RPL35: variants seen among roughly 807,000 people sequenced by gnomAD.
The protein encoded by RPL35 is ribosomal protein L35.
RPL35 carries 2 observed loss-of-function variants against 15.6 expected under a neutral mutation model. The ratio of observed to expected loss-of-function variants is 0.13; its 90% CI spans 0.05 to 0.40. RPL35 has a LOEUF of 0.40. Ranked by LOEUF, RPL35 falls within the 10% of genes least tolerant of loss-of-function variation. The pLI is 0.99. For missense variants in RPL35, 111 were observed against 164.7 expected (o/e 0.67, Z 1.79); for synonymous variants, 93 against 67.9 (o/e 1.37, Z -1.82).
chr9:124,861,833 C>A, intron 1 of RPL35, 77 bp downstream of exon 1: 1 of 1,559,630 alleles, frequency 6.4e-7, no homozygotes, highest in Non-Finnish European at 8.7e-7. Flanking sequence ...ATAGAATCCG[C>A]GGGCTCAGCC....
Position 124,860,215 on chromosome 9 carries a change from T to C in RPL35, c.190A>G (p.Thr64Ala). 1 of 1,614,062 alleles carries C rather than the reference T, an allele frequency of 6.2e-7. No homozygotes were observed. The highest frequency in any genetic ancestry group is 1.1e-5 in the South Asian group (1 of 91,074). Residue 64 changes from threonine (T) to alanine (A), a missense_variant, in exon 3 of 4, where the codon ACT (threonine) becomes GCT (alanine). Thr to Ala is a moderately conservative substitution (Grantham distance 58, BLOSUM62 0). Transcript: ENST00000348462. Reference protein sequence around the residue: ...IARVLTVINQTQKENLRKFYK... With the variant: ...IARVLTVINQAQKENLRKFYK... ...AATTTCCTGAGGTTTTCTTTCTGAG[T>C]CTGGTTAATAACTGTGAGAACACGG...
intron 1 of RPL35, 52 bp from the exon 2 acceptor site, chr9:124,861,607 T>C: frequency 6.3e-7 from 1 of 1,593,238 alleles, no homozygotes; most frequent in Non-Finnish European, 8.6e-7. Context: ...CATATCCCCT[T>C]CACCTGCGTG....
At chr9:124,860,149 G>T in intron 3 of RPL35, 34 bp downstream of exon 3, 1 of 1,543,026 alleles carries the variant, frequency 6.5e-7, no homozygotes, top group Non-Finnish European at 9.0e-7. Flanking sequence ...TTGGCTTCCT[G>T]CAGCCAACCC....
chr9:124,861,355 C>T, intron 2 of RPL35, 64 bp downstream of exon 2: 1 of 1,558,946 alleles, frequency 6.4e-7, no homozygotes, highest in East Asian at 2.3e-5. Flanking sequence ...TTGAAATCCT[C>T]CGACGATCCC....
chr9:124,859,685 T>C (rs1014979787), intron 3 of RPL35, among the ~76,000 whole-genome samples: 1 of 152,054 alleles, frequency 6.6e-6, no homozygotes, highest in African/African-American at 2.4e-5. Context: ...AATTCAAGAC[T>C]AAGAGGGGGC....
intron 2 of RPL35, chr9:124,861,037 A>T (rs986430330): frequency 5.5e-6 from 1 of 181,652 alleles, no homozygotes; most frequent in African/African-American, 2.4e-5. Context: ...CAGGTTGATG[A>T]ACTCCAAACC....
intron 2 of RPL35, 81 bp from the exon 3 acceptor site, chr9:124,860,345 T>C (rs566760165): frequency 7.9e-6 from 9 of 1,141,480 alleles, no homozygotes; most frequent in Admixed American, 1.7e-5. Flanking sequence ...AGGGCAGCAA[T>C]AGCTGCAGCC....
chr9:124,860,288 A>T, intron 2 of RPL35, 24 bp from the exon 3 acceptor site: 1 of 1,592,346 alleles, frequency 6.3e-7, no homozygotes, highest in Non-Finnish European at 8.6e-7. Flanking sequence ...ATGTCAGTGA[A>T]GATAGGGAAG....
intron 3 of RPL35, chr9:124,858,382 G>A: frequency 3.1e-6 from 2 of 653,210 alleles, no homozygotes; most frequent in Non-Finnish European, 5.7e-6. Context: ...CCGATTCCCA[G>A]TCACGAGGAC....
chr9:124,858,326 T>C (rs921519006), intron 3 of RPL35: 13 of 622,438 alleles, frequency 2.1e-5, no homozygotes, highest in African/African-American at 2.0e-4. Flanking sequence ...GAGCCGGGGC[T>C]TGCATCTCAG....
At chr9:124,860,322 A>G in intron 2 of RPL35, 58 bp from the exon 3 acceptor site, 1 of 1,383,906 alleles carries the variant, frequency 7.2e-7, no homozygotes, top group Non-Finnish European at 1.0e-6. Context: ...CCCAAGACTC[A>G]GGACTCACAC....
intron 3 of RPL35, chr9:124,858,446 A>G (rs756001117): frequency 2.8e-6 from 2 of 715,346 alleles, no homozygotes; most frequent in Non-Finnish European, 5.2e-6. Flanking sequence ...CCCCGGGGGT[A>G]GTTACCATTA....
chr9:124,861,892 C>G lies in RPL35; in HGVS notation c.3+18G>C. 1 of 1,603,224 alleles carries G rather than the reference C, an allele frequency of 6.2e-7. No homozygotes were observed. Among genetic ancestry groups the G allele is most frequent in the Non-Finnish European group, 8.5e-7 (1 of 1,175,942 alleles). On this transcript the variant is annotated intron_variant, in intron 1 of 3. Transcript: ENST00000348462. Reference sequence around the variant, plus strand: ...CGCCTCACAGCGCTCGGATGGCGCCCGATTCCGCAGCTCTCACCATTGCTG... The same window carrying G: ...CGCCTCACAGCGCTCGGATGGCGCCGGATTCCGCAGCTCTCACCATTGCTG...
intron 3 of RPL35, chr9:124,858,351 A>G: frequency 1.6e-6 from 1 of 632,984 alleles, no homozygotes. Context: ...GTGACTCCCA[A>G]CTCAGTGCTC....
intron 1 of RPL35, 72 bp from the exon 2 acceptor site, chr9:124,861,627 C>T: frequency 1.3e-6 from 2 of 1,565,722 alleles, no homozygotes; most frequent in Middle Eastern, 1.7e-4. Context: ...GGCCAGCCCC[C>T]AAAGGCGCGC....
chr9:124,860,264 G>C lies in RPL35; in HGVS notation c.141C>G (p.Ile47Met), dbSNP rs1187966121. The C allele has an allele frequency of 1.1e-5, 17 of 1,613,020 alleles. No homozygotes were observed. The highest frequency in any genetic ancestry group is 2.5e-6 in the Non-Finnish European group (3 of 1,179,094). ...GGGCAATGGATTTCCGGACGACTCG[G>C]CTACAAAACAGAGATGTCAGTGAAG... is the stretch of plus-strand genomic sequence containing the variant. ...TGGAASKLSK[I>M]RVVRKSIARV... The change falls in exon 3 of 4, where the codon ATC becomes ATG. Residue 47 changes from isoleucine (I) to methionine (M), a missense_variant and splice_region_variant. Transcript: ENST00000348462.
Position 124,857,920 on chromosome 9 carries a change from A to G in RPL35, c.370T>C (p.Ter124ArgextTer6). Residue 124 changes from the stop codon to arginine, a stop_lost, in exon 4 of 4, where the codon TGA becomes CGA. Transcript: ENST00000348462. ...GTGCTTTATTGACAATGCGCCCCTC[A>G]GGCCTTGACCGCGTACTTCCGCAGC... ...YPLRKYAVKA[*>R] 1 of 1,612,154 alleles carries G rather than the reference A, an allele frequency of 6.2e-7. No individual in the cohort carries two copies. Among genetic ancestry groups the G allele is most frequent in the Non-Finnish European group, 8.5e-7 (1 of 1,179,966 alleles).
rs766933906 is a variant in RPL35 at position 124,860,273 on chromosome 9, CAG to C, written c.141-11_141-10del. The C allele has an allele frequency of 5.0e-6, 8 of 1,609,950 alleles. No individual in the cohort carries two copies. The highest frequency in any genetic ancestry group is 4.0e-5 in the African/African-American group (3 of 74,842). On this transcript the variant is annotated splice_polypyrimidine_tract_variant and intron_variant, in intron 2 of 3. Coordinates refer to ENST00000348462, the MANE Select transcript of RPL35 (RefSeq NM_007209.4). ...ATTTCCGGACGACTCGGCTACAAAA[CAG>C]AGATGTCAGTGAAGATAGGGAAGAC...
Position 124,858,074 on chromosome 9 carries a change from G to A in RPL35, c.223-7C>T, listed in dbSNP as rs748065858. 3.2e-5 allele frequency: 52 copies of A among 1,611,556 alleles called. No homozygotes were observed. Among genetic ancestry groups the A allele is most frequent in the Non-Finnish European group, 4.3e-5 (51 of 1,179,650 alleles). ...GGGGCTTGTACTTCTTGCCCTGGGA[G>A]ACAGACGGCAGGGTGAATCCAAGGA... is the stretch of plus-strand genomic sequence containing the variant. On this transcript the variant is annotated splice_region_variant and splice_polypyrimidine_tract_variant and intron_variant, in intron 3 of 3. Coordinates refer to ENST00000348462, the MANE Select transcript of RPL35 (RefSeq NM_007209.4).
Sources: gnomAD v4.1 joint callset for allele counts (sites outside exome capture counted in the v4.1 genomes callset) on GRCh38, gnomAD v4.1.1 for gene constraint, MANE v1.5 for transcripts, NCBI Gene and HGNC (gene_info 2026-07-23, HGNC 2026-07-21) for gene names.